Variants in TSEN15 observed in about 807,000 individuals in gnomAD.
The protein encoded by TSEN15 is tRNA-splicing endonuclease subunit Sen15.
TSEN15 carries 10 observed loss-of-function variants against 20.5 expected under a neutral mutation model. The observed-to-expected ratio is 0.49, with a 90% CI of 0.30 to 0.83. TSEN15 has a LOEUF of 0.83. Ranked by LOEUF, TSEN15 falls within the 40% of genes least tolerant of loss-of-function variation. The probability of loss-of-function intolerance (pLI) is 0.06; values close to 1 mark genes in which losing one functional copy is unlikely to be tolerated. For synonymous variants in TSEN15, 72 were observed against 80.1 expected, an observed-to-expected ratio of 0.90 and a Z score of 0.54; for missense variants, 180 against 218.6, an observed-to-expected ratio of 0.82 and a Z score of 1.11.
At chr1:184,053,752 C>G (rs1650138587) in intron 1 of TSEN15, among the ~76,000 whole-genome samples, 1 of 152,210 alleles carries the variant, frequency 6.6e-6, no homozygotes, top group African/African-American at 2.4e-5. Context: ...TTTAAAAAAT[C>G]TACTCTTAAA....
intron 3 of TSEN15, among the ~76,000 whole-genome samples, chr1:184,092,486 A>T (rs1397713341): frequency 6.6e-6 from 1 of 152,244 alleles, no homozygotes; most frequent in African/African-American, 2.4e-5. Flanking sequence ...GCTATAAATA[A>T]TGCAAGAATC....
At chr1:184,097,067 T>C (rs1240012854) in exon 4 of TSEN15, 1 of 152,180 alleles carries the variant, frequency 6.6e-6, no homozygotes, top group African/African-American at 2.4e-5. Flanking sequence ...CAACTGCAGT[T>C]CTTTGTGCCT....
At chr1:184,085,746 G>T (rs568292135) in intron 3 of TSEN15, among the ~76,000 whole-genome samples, 2 of 152,326 alleles carry the variant, frequency 1.3e-5, no homozygotes, top group Admixed American at 1.3e-4. Context: ...GTTGTCTGAT[G>T]ATGTCAGTGC....
chr1:184,073,001 C>G lies in TSEN15; in HGVS notation c.*154C>G. The G allele has an allele frequency of 1.3e-5, 9 of 672,148 alleles. No individual in the cohort carries two copies. In the South Asian group the frequency reaches 1.9e-4, roughly 14 times the overall value. 41.6% of individuals were successfully genotyped at this position (672,148 alleles called of 1,614,324 possible). On this transcript the variant is annotated 3_prime_UTR_variant, in exon 5 of 5. Coordinates refer to ENST00000645668, the MANE Select transcript of TSEN15 (RefSeq NM_052965.4). ...GTTTTCATTCTGAAGAGTAAAACTT[C>G]CCCAGGTAGAAGACTTTCTCCTTCT... is the stretch of plus-strand genomic sequence containing the variant.
At chr1:184,071,973 A>G (rs142533409) in intron 3 of TSEN15, 184 bp from the exon 4 acceptor site, 42 of 490,464 alleles carry the variant, frequency 8.6e-5, no homozygotes, top group African/African-American at 4.4e-4. Flanking sequence ...AATTATGTGT[A>G]ATGTTGAACT....
At chr1:184,059,761 G>T (rs1042350095) in intron 3 of TSEN15, among the ~76,000 whole-genome samples, 18 of 152,126 alleles carry the variant, frequency 1.2e-4, no homozygotes, top group Non-Finnish European at 2.9e-5. Flanking sequence ...AGTAGAGACA[G>T]GTTTTTGCCT....
intron 3 of TSEN15, among the ~76,000 whole-genome samples, chr1:184,063,307 A>T (rs560967028): frequency 3.3e-5 from 5 of 152,298 alleles, no homozygotes; most frequent in African/African-American, 9.6e-5. Flanking sequence ...CCATATACCA[A>T]ATTGCTCCTT....
At chr1:184,053,609 A>G (rs779509997) in intron 1 of TSEN15, among the ~76,000 whole-genome samples, 7 of 152,230 alleles carry the variant, frequency 4.6e-5, no homozygotes, top group Non-Finnish European at 8.8e-5. Context: ...TTAGCCCTGC[A>G]TATCCACCTA....
At chr1:184,055,678 T>G (rs1650225664) in intron 3 of TSEN15, among the ~76,000 whole-genome samples, 1 of 152,044 alleles carries the variant, frequency 6.6e-6, no homozygotes, top group Non-Finnish European at 1.5e-5. Context: ...AAAAAGAGAC[T>G]TTTTTTAGGA....
chr1:184,084,624 C>T (rs1468370514), intron 3 of TSEN15, among the ~76,000 whole-genome samples: 1 of 151,838 alleles, frequency 6.6e-6, no homozygotes, highest in Admixed American at 6.6e-5. Context: ...TATTAGCTCA[C>T]ATTTCTTGAC....
At position 184,054,708 on chromosome 1, in the gene TSEN15, AT is replaced by A; in HGVS notation, c.218-18del. 6.2e-7 allele frequency: 1 copy of A among 1,609,070 alleles called. No homozygotes were observed. Among genetic ancestry groups the A allele is most frequent in the Non-Finnish European group, 8.5e-7 (1 of 1,178,642 alleles). On this transcript the variant is annotated intron_variant, in intron 2 of 4. Transcript: ENST00000645668. Reference sequence around the variant, plus strand: ...TTGTATTTAATAAACATTATTGTCCATTCAATGATGCTCTTTCAGGCAAAAG... The same window carrying A: ...TTGTATTTAATAAACATTATTGTCCATCAATGATGCTCTTTCAGGCAAAAG...
intron 3 of TSEN15, among the ~76,000 whole-genome samples, chr1:184,093,242 C>A (rs766724827): frequency 7.2e-5 from 11 of 152,134 alleles, no homozygotes; most frequent in African/African-American, 2.4e-4. Context: ...TTTAAAGTCA[C>A]GAGGCCCAGG....
chr1:184,080,918 T>C (rs1156515111), intron 3 of TSEN15, among the ~76,000 whole-genome samples: 3 of 152,192 alleles, frequency 2.0e-5, no homozygotes, highest in Non-Finnish European at 4.4e-5. Flanking sequence ...TAATCATGAA[T>C]CAATAATCCA....
At chr1:184,074,948 T>A (rs926528591), downstream of TSEN15, among the ~76,000 whole-genome samples, 1 of 152,124 alleles carries the variant, frequency 6.6e-6, no homozygotes, top group African/African-American at 2.4e-5. Context: ...GGTCTAAGAA[T>A]CCTCAAACAG....
chr1:184,082,421 G>C (rs1296069742), intron 3 of TSEN15, among the ~76,000 whole-genome samples: 3 of 152,128 alleles, frequency 2.0e-5, no homozygotes, highest in Non-Finnish European at 4.4e-5. Flanking sequence ...CTTCTCTGCT[G>C]TCTTCATAGC....
In TSEN15 at chr1:184,051,782, G is replaced by T. The variant is rs199936857; in HGVS notation, c.27G>T (p.Pro9=). The T allele has an allele frequency of 1.9e-5, 29 of 1,514,758 alleles. No homozygotes were observed. The highest frequency in any genetic ancestry group is 7.4e-5 in the South Asian group (6 of 80,938). 93.8% of individuals were successfully genotyped at this position (1,514,758 alleles called of 1,614,324 possible). A position where few individuals can be genotyped will look rare whatever the true frequency, so the allele number is the denominator to read the frequency against. Residue 9 remains proline, a synonymous_variant, in exon 1 of 5, where the codon CCG becomes CCT. Transcript: ENST00000645668. The stretch of plus-strand genomic sequence containing the variant: ...TGGAGGAGCGCGGCGATTCCGAGCC[G>T]ACCCCCGGCTGCAGCGGCCTGGGTC... MEERGDSE[P]TPGCSGLGPG... is the part of the protein sequence containing the mutation.
At chr1:184,078,039 C>T (rs1016071856), downstream of TSEN15, among the ~76,000 whole-genome samples, 8 of 152,122 alleles carry the variant, frequency 5.3e-5, no homozygotes, top group Non-Finnish European at 8.8e-5. Context: ...TATCAAGTAG[C>T]ATCAGAGTCT....
intron 3 of TSEN15, among the ~76,000 whole-genome samples, chr1:184,092,698 C>A (rs905391292): frequency 3.3e-5 from 5 of 152,206 alleles, no homozygotes; most frequent in African/African-American, 1.2e-4. Flanking sequence ...TGAGGAGCTC[C>A]CTCAGGCCAG....
At chr1:184,094,232 TG>T (rs1651409491) in intron 3 of TSEN15, 1 of 152,250 alleles carries the variant, frequency 6.6e-6, no homozygotes, top group Admixed American at 6.5e-5. Flanking sequence ...ATAGCTCATA[TG>T]TGATATGGTC....
Sources: gnomAD v4.1 joint callset for allele counts (sites outside exome capture counted in the v4.1 genomes callset) on GRCh38, gnomAD v4.1.1 for gene constraint, MANE v1.5 for transcripts, NCBI Gene and HGNC (gene_info 2026-07-23, HGNC 2026-07-21) for gene names.